The following TAAR5 variants were observed in gnomAD, a reference collection of about 807,000 sequenced individuals.
TAAR5 encodes the protein trace amine-associated receptor 5.
A neutral mutation model predicts 21.1 loss-of-function variants in TAAR5; 27 were observed. The observed-to-expected ratio is 1.28, with a 90% CI of 0.94 to 1.76. The LOEUF (loss-of-function observed/expected upper bound fraction) is 1.76. Among genes scored for constraint, TAAR5 ranks in the 40% most tolerant of loss-of-function variants. TAAR5 has a pLI of 0.00. For missense variants in TAAR5, 495 were observed against 405.6 expected (o/e 1.22, Z -1.89); for synonymous variants, 203 against 167.5 (o/e 1.21, Z -1.64).
At chr6:132,616,149 T>C in the TAAR5 span, among the ~76,000 whole-genome samples, 2 of 152,164 alleles carry the variant, frequency 1.3e-5, no homozygotes, top group South Asian at 4.1e-4. Context: ...TAAATGTATA[T>C]ACCATGGAAA....
the TAAR5 span, among the ~76,000 whole-genome samples, chr6:132,612,141 C>T: frequency 6.6e-6 from 1 of 152,050 alleles, no homozygotes; most frequent in East Asian, 1.9e-4. Flanking sequence ...TAGTGATAGC[C>T]TTAAGAAATA....
chr6:132,614,602 G>A, the TAAR5 span, among the ~76,000 whole-genome samples: 701 of 152,220 alleles, frequency 4.6e-3, 7 homozygotes, highest in Middle Eastern at 0.061. Context: ...AGTTAGTTGT[G>A]AATCAATGAC....
the TAAR5 span, among the ~76,000 whole-genome samples, chr6:132,605,899 A>T: frequency 9.2e-5 from 14 of 152,226 alleles, no homozygotes; most frequent in Non-Finnish European, 1.9e-4. Flanking sequence ...AATGTGGTAT[A>T]TATACACCAT....
chr6:132,599,773 T>C, the TAAR5 span, among the ~76,000 whole-genome samples: 11 of 152,210 alleles, frequency 7.2e-5, no homozygotes, highest in Non-Finnish European at 1.5e-4. Context: ...TTGGATTTCC[T>C]CTATATGCTC....
the TAAR5 span, among the ~76,000 whole-genome samples, chr6:132,599,011 T>G: frequency 0.3 from 45,035 of 152,148 alleles, 7,027 homozygotes; most frequent in Non-Finnish European, 0.36. Flanking sequence ...TATATCTTTT[T>G]CCTGCCATGC....
the TAAR5 span, among the ~76,000 whole-genome samples, chr6:132,600,710 T>C: frequency 3.6e-5 from 4 of 112,446 alleles, no homozygotes; most frequent in East Asian, 9.6e-4. Flanking sequence ...AAAACTAATA[T>C]ACAATAAAGA....
At chr6:132,601,082 AAGGAAGGAGGGAGGGAAGGAGGG>A in the TAAR5 span, among the ~76,000 whole-genome samples, 15 of 142,778 alleles carry the variant, frequency 1.1e-4, no homozygotes, top group Admixed American at 2.8e-4. Context: ...GGAAGGAGGG[AAGGAAGGAGGGAGGGAAGGAGGG>A]AAGAAGGGAA....
chr6:132,607,054 G>A, the TAAR5 span, among the ~76,000 whole-genome samples: 1 of 152,048 alleles, frequency 6.6e-6, no homozygotes, highest in African/African-American at 2.4e-5. Flanking sequence ...AGGTTGCCGG[G>A]TGTGATGGCA....
the TAAR5 span, among the ~76,000 whole-genome samples, chr6:132,603,319 A>G: frequency 2.3e-4 from 34 of 150,912 alleles, no homozygotes; most frequent in African/African-American, 5.4e-4. Flanking sequence ...AAAAAAAAAA[A>G]AAAGAAAGAA....
At chr6:132,605,375 T>C in the TAAR5 span, among the ~76,000 whole-genome samples, 1 of 152,250 alleles carries the variant, frequency 6.6e-6, no homozygotes, top group African/African-American at 2.4e-5. Flanking sequence ...TCTACCTTAA[T>C]GAATATACAC....
the TAAR5 span, among the ~76,000 whole-genome samples, chr6:132,605,179 T>C: frequency 2.0e-5 from 3 of 152,242 alleles, no homozygotes; most frequent in South Asian, 2.1e-4. Flanking sequence ...CGGAGAGGGC[T>C]TGGGGCCTGT....
upstream of TAAR5, among the ~76,000 whole-genome samples, chr6:132,592,561 G>A (rs1410899559): frequency 6.6e-6 from 1 of 152,176 alleles, no homozygotes; most frequent in African/African-American, 2.4e-5. Flanking sequence ...GGTGGGGCCT[G>A]GTGGGAGGTG....
chr6:132,604,356 C>T, the TAAR5 span, among the ~76,000 whole-genome samples: 23 of 151,794 alleles, frequency 1.5e-4, no homozygotes, highest in Admixed American at 2.0e-4. Flanking sequence ...TTGGCCAAGA[C>T]GGTCTTGATC....
chr6:132,593,896 G>T (rs1225438170), upstream of TAAR5, among the ~76,000 whole-genome samples: 2 of 152,160 alleles, frequency 1.3e-5, no homozygotes, highest in Non-Finnish European at 2.9e-5. Flanking sequence ...ACAACTGTCT[G>T]TGTCTTTCTC....
the TAAR5 span, among the ~76,000 whole-genome samples, chr6:132,613,404 A>G: frequency 6.6e-6 from 1 of 152,088 alleles, no homozygotes. Context: ...AAATTATGCT[A>G]GCTCCTTTAA....
chr6:132,588,950 T>G lies in TAAR5; in HGVS notation c.737A>C (p.His246Pro), dbSNP rs762632022. 6.2e-7 allele frequency: 1 copy of G among 1,614,136 alleles called. No individual in the cohort carries two copies. The highest frequency in any genetic ancestry group is 8.5e-7 in the Non-Finnish European group (1 of 1,179,998). ...CAGGGTCTTGGCAGCTTTTCTCTCA[T>G]GCTTGGCAGCCCCAGCCAGGCTTTT... Reference protein sequence around the residue: ...LSKSLAGAAKHERKAAKTLGI... With the variant: ...LSKSLAGAAKPERKAAKTLGI... The change falls in exon 1 of 1, where the codon CAT becomes CCT. Residue 246 changes from histidine (H) to proline (P), a missense_variant. Coordinates refer to ENST00000258034, the MANE Select transcript of TAAR5 (RefSeq NM_003967.3).
chr6:132,602,126 G>T, the TAAR5 span, among the ~76,000 whole-genome samples: 1 of 151,768 alleles, frequency 6.6e-6, no homozygotes, highest in Non-Finnish European at 1.5e-5. Context: ...TTTAGCTGTA[G>T]TCTAAAGCAG....
the TAAR5 span, chr6:132,609,032 C>A: frequency 2.2e-6 from 1 of 455,398 alleles, no homozygotes; most frequent in Non-Finnish European, 4.4e-6. Flanking sequence ...GGCATAATGA[C>A]AAAACCCAGC....
upstream of TAAR5, chr6:132,594,653 G>A (rs1241874400): frequency 6.6e-6 from 1 of 152,124 alleles, no homozygotes; most frequent in South Asian, 2.1e-4. Context: ...TATGCCTAAG[G>A]TCCTGGTGGC....
Sources: allele counts gnomAD v4.1 joint callset (sites outside exome capture counted in the v4.1 genomes callset), GRCh38; gene constraint gnomAD v4.1.1; transcripts MANE v1.5; gene names NCBI Gene and HGNC (gene_info 2026-07-23, HGNC 2026-07-21).